Variants in PROS1 observed in about 807,000 individuals in gnomAD.
The protein encoded by PROS1 is protein S, also known as vitamin K-dependent protein S.
A neutral mutation model predicts 75.9 loss-of-function variants in PROS1; 29 were observed. That is an observed-to-expected ratio of 0.38 (90% CI 0.28 to 0.52). The LOEUF is 0.52. Among genes scored for constraint, PROS1 ranks in the 20% least tolerant of loss-of-function variants. The pLI is 0.83. For synonymous variants in PROS1, 245 were observed against 280.6 expected, an observed-to-expected ratio of 0.87 and a Z score of 1.27; for missense variants, 680 against 810.3, an observed-to-expected ratio of 0.84 and a Z score of 1.95.
intron 6 of PROS1, among the ~76,000 whole-genome samples, chr3:93,903,412 C>T (rs1466923199): frequency 6.6e-6 from 1 of 151,860 alleles, no homozygotes; most frequent in Non-Finnish European, 1.5e-5. Flanking sequence ...GCCTGTAATC[C>T]CACGACCTTG....
At position 93,879,271 on chromosome 3, in the gene PROS1, C is replaced by T. The variant is rs780297724; in HGVS notation, c.1536G>A (p.Leu512=). The change falls in exon 13 of 15, where the codon TTG becomes TTA. Residue 512 remains leucine (L), a synonymous_variant. Coordinates refer to ENST00000394236, the MANE Select transcript of PROS1 (RefSeq NM_000313.4). ...SAEGWHVNVT[L]NIRPSTGTGV... ...CAGTGCCCGTGGATGGACGAATATT[C>T]AAGGTCACATTTACATGCCAACCCT... is the stretch of plus-strand genomic sequence containing the variant. 6.2e-7 allele frequency: 1 copy of T among 1,614,038 alleles called. No individual in the cohort carries two copies. The highest frequency in any genetic ancestry group is 1.7e-5 in the Admixed American group (1 of 60,012).
chr3:93,876,360 G>A (rs1055700990), intron 14 of PROS1, among the ~76,000 whole-genome samples: 6 of 152,046 alleles, frequency 3.9e-5, no homozygotes, highest in South Asian at 2.1e-4. Context: ...AGGCCGAGGC[G>A]AGCGGATCGC....
chr3:93,891,280 A>T (rs888204615), intron 10 of PROS1, among the ~76,000 whole-genome samples: 6 of 152,114 alleles, frequency 3.9e-5, no homozygotes, highest in African/African-American at 1.2e-4. Flanking sequence ...ATGACTCTAT[A>T]CTTCAGAAAA....
chr3:93,922,918 C>G (rs1708963418), intron 3 of PROS1, among the ~76,000 whole-genome samples: 1 of 152,016 alleles, frequency 6.6e-6, no homozygotes, highest in Non-Finnish European at 1.5e-5. Context: ...AAGAATACAT[C>G]TGAAGAAATT....
chr3:93,879,492 G>A (rs1708244114), intron 12 of PROS1, among the ~76,000 whole-genome samples, 178 bp from the exon 13 acceptor site: 1 of 152,138 alleles, frequency 6.6e-6, no homozygotes, highest in Non-Finnish European at 1.5e-5. Context: ...TTGTAATGCA[G>A]GCAAGAAACA....
intron 12 of PROS1, among the ~76,000 whole-genome samples, chr3:93,882,785 C>T (rs942502700): frequency 7.2e-5 from 11 of 152,102 alleles, no homozygotes; most frequent in Admixed American, 5.9e-4. Context: ...GAAGGAGATC[C>T]GAAAAAGCCT....
intron 4 of PROS1, among the ~76,000 whole-genome samples, chr3:93,907,718 A>G (rs1253501740): frequency 6.6e-6 from 1 of 152,208 alleles, no homozygotes; most frequent in Non-Finnish European, 1.5e-5. Flanking sequence ...CAGAAAAGCA[A>G]CACCCCAAAG....
At chr3:93,957,873 T>C (rs1226507071) in intron 1 of PROS1, among the ~76,000 whole-genome samples, 1 of 152,072 alleles carries the variant, frequency 6.6e-6, no homozygotes, top group Admixed American at 6.6e-5. Flanking sequence ...GTGGATCACC[T>C]GGATCAGGAG....
intron 13 of PROS1, among the ~76,000 whole-genome samples, chr3:93,878,895 C>T (rs1426209412): frequency 3.3e-5 from 5 of 152,126 alleles, no homozygotes; most frequent in Admixed American, 1.3e-4. Flanking sequence ...GTGTGAGAGT[C>T]TGCCTAATCT....
At chr3:93,922,660 T>TA (rs1372099432) in intron 3 of PROS1, among the ~76,000 whole-genome samples, 1 of 152,180 alleles carries the variant, frequency 6.6e-6, no homozygotes, top group African/African-American at 2.4e-5. Context: ...TTAGTAAAAC[T>TA]ACTGTTAGAT....
intron 4 of PROS1, 79 bp from the exon 5 acceptor site, chr3:93,906,222 C>A: frequency 6.6e-7 from 1 of 1,506,182 alleles, no homozygotes. Context: ...TAATAAAAAT[C>A]CTGAAGCCTA....
intron 14 of PROS1, among the ~76,000 whole-genome samples, chr3:93,876,742 C>T (rs1469250431): frequency 6.6e-6 from 1 of 151,572 alleles, no homozygotes; most frequent in Non-Finnish European, 1.5e-5. Context: ...CTGGGATAGC[C>T]AAATGAAGCA....
intron 1 of PROS1, among the ~76,000 whole-genome samples, chr3:93,966,618 C>T (rs577754417): frequency 3.9e-5 from 6 of 152,290 alleles, no homozygotes; most frequent in South Asian, 2.1e-4. Flanking sequence ...GATCACCACA[C>T]CTGTAATCCC....
intron 7 of PROS1, among the ~76,000 whole-genome samples, chr3:93,900,382 A>G (rs1490050288): frequency 6.6e-6 from 1 of 152,226 alleles, no homozygotes; most frequent in Non-Finnish European, 1.5e-5. Context: ...AAATCACTGA[A>G]AAGCTTGGAA....
chr3:93,949,044 C>G (rs1709449289), intron 1 of PROS1, among the ~76,000 whole-genome samples: 1 of 152,274 alleles, frequency 6.6e-6, no homozygotes, highest in East Asian at 1.9e-4. Context: ...TTATCAGGCT[C>G]CAGGATTCTC....
chr3:93,965,957 A>G (rs1364229630), intron 1 of PROS1, among the ~76,000 whole-genome samples: 2 of 152,166 alleles, frequency 1.3e-5, no homozygotes, highest in South Asian at 2.1e-4. Context: ...GGCCTCCCAA[A>G]GTGCTAAAGA....
intron 12 of PROS1, among the ~76,000 whole-genome samples, chr3:93,880,421 G>A (rs867529926): frequency 2.6e-5 from 4 of 152,020 alleles, no homozygotes; most frequent in East Asian, 1.9e-4. Context: ...CAGGAGAATC[G>A]CTTGAACTCA....
chr3:93,893,261 G>A lies in PROS1; in HGVS notation c.966-139C>T, dbSNP rs1576180366. 57 of 795,392 alleles carry A rather than the reference G, an allele frequency of 7.2e-5. No individual in the cohort carries two copies. In the South Asian group the frequency reaches 8.6e-4, roughly 12 times the overall value. 49.3% of individuals were successfully genotyped at this position (795,392 alleles called of 1,614,324 possible). ...ATTTCTTTTTCTGGAATTAATAAAAGAGAAGGGCAGAATTAGACTGCTCAT... is the reference window on the plus strand; with the variant it reads ...ATTTCTTTTTCTGGAATTAATAAAAAAGAAGGGCAGAATTAGACTGCTCAT... On this transcript the variant is annotated intron_variant, in intron 9 of 14. Coordinates refer to ENST00000394236, the MANE Select transcript of PROS1 (RefSeq NM_000313.4).
Position 93,931,734 on chromosome 3 carries a change from C to T in PROS1, c.77-4327G>A, listed in dbSNP as rs188684248. Among the ~76,000 whole-genome samples, 343 of 151,766 alleles carry T rather than the reference C, an allele frequency of 2.3e-3. 7 individuals are homozygous for T. The highest frequency in any genetic ancestry group is 0.02 in the Middle Eastern group (6 of 294). ...GGAAGCATAATGCCTTCTTTGGTTA[C>T]GGTTTTGGCTGCACCACTTTCAGCC... is the stretch of plus-strand genomic sequence containing the variant. On this transcript the variant is annotated intron_variant, in intron 1 of 14. Coordinates refer to ENST00000394236, the MANE Select transcript of PROS1 (RefSeq NM_000313.4).
Sources: gnomAD v4.1 joint callset for allele counts (sites outside exome capture counted in the v4.1 genomes callset) on GRCh38, gnomAD v4.1.1 for gene constraint, MANE v1.5 for transcripts, NCBI Gene and HGNC (gene_info 2026-07-23, HGNC 2026-07-21) for gene names.